The following PTN variants were observed in gnomAD, a reference collection of about 807,000 sequenced individuals.
PTN encodes heparin affin regulatory protein.
Under a neutral mutation model 24.1 loss-of-function variants are expected in PTN, and 18 were observed. The observed-to-expected ratio is 0.75, with a 90% CI of 0.52 to 1.11. The LOEUF (loss-of-function observed/expected upper bound fraction) is 1.11, where lower values mean the gene tolerates loss of function less well. PTN is among the 50% of genes least tolerant of loss of function. PTN has a pLI of 0.00. For missense variants in PTN, 163 were observed against 198.8 expected, an observed-to-expected ratio of 0.82 and a Z score of 1.08; for synonymous variants, 78 against 68.6, an observed-to-expected ratio of 1.14 and a Z score of -0.67.
intron 1 of PTN, among the ~76,000 whole-genome samples, chr7:137,301,008 G>A (rs1809796987): frequency 6.8e-6 from 1 of 148,042 alleles, no homozygotes; most frequent in African/African-American, 2.4e-5. Context: ...TCTCCAAACA[G>A]CCTCTTAAAG....
At chr7:137,235,821 G>A (rs1808510357) in intron 4 of PTN, among the ~76,000 whole-genome samples, 1 of 151,884 alleles carries the variant, frequency 6.6e-6, no homozygotes, top group African/African-American at 2.4e-5. Flanking sequence ...TTCTACTCCT[G>A]CTCAACTATC....
chr7:137,310,484 G>A lies in PTN; in HGVS notation c.-2+32955C>T, dbSNP rs966510556. Among the ~76,000 whole-genome samples, 6 of 148,060 alleles carry A rather than the reference G, an allele frequency of 4.1e-5. No homozygotes were observed. The South Asian group carries it at 6.5e-4, about 16-fold the overall frequency. On this transcript the variant is annotated intron_variant, in intron 1 of 4. Coordinates refer to ENST00000348225, the MANE Select transcript of PTN (RefSeq NM_002825.7). ...GTGATCTTGGCTCACTGCAACCTCC[G>A]ACTCCCTGGCTTAAGTGATTCTCCT...
At chr7:137,251,154 T>C in intron 4 of PTN, 76 bp downstream of exon 4, 2 of 1,512,564 alleles carry the variant, frequency 1.3e-6, no homozygotes, top group Non-Finnish European at 9.1e-7. Context: ...TATTTCCTTC[T>C]GGAAAATGTG....
chr7:137,283,143 T>C (rs1212195095), intron 1 of PTN, among the ~76,000 whole-genome samples: 2 of 152,102 alleles, frequency 1.3e-5, no homozygotes, highest in African/African-American at 4.8e-5. Flanking sequence ...TCCACATGGG[T>C]ACTAAGGCAC....
intron 1 of PTN, among the ~76,000 whole-genome samples, chr7:137,315,446 A>T (rs924575003): frequency 6.6e-6 from 1 of 152,176 alleles, no homozygotes; most frequent in Non-Finnish European, 1.5e-5. Flanking sequence ...CATCTGTTGT[A>T]ACCTCTGGGC....
chr7:137,236,166 C>T (rs1301229389), intron 4 of PTN: 7 of 701,974 alleles, frequency 1.0e-5, no homozygotes, highest in Non-Finnish European at 1.8e-5. Context: ...TAGACGAATC[C>T]ATCTCCCTTC....
chr7:137,250,879 G>A (rs943694535), intron 4 of PTN, among the ~76,000 whole-genome samples: 12 of 152,148 alleles, frequency 7.9e-5, no homozygotes, highest in Non-Finnish European at 1.2e-4. Context: ...AATTGTCTCC[G>A]TCATAAACAT....
chr7:137,343,306 C>A, intron 1 of PTN, 133 bp downstream of exon 1: 1 of 365,540 alleles, frequency 2.7e-6, no homozygotes, highest in Non-Finnish European at 5.4e-6. Context: ...GAAAGCAGTC[C>A]TATCAGCAAA....
At chr7:137,228,132 A>G in intron 4 of PTN, 57 bp from the exon 5 acceptor site, 2 of 1,126,458 alleles carry the variant, frequency 1.8e-6, no homozygotes, top group Admixed American at 3.7e-5. Flanking sequence ...TCAAGTTACT[A>G]AATTGCAGGG....
At chr7:137,293,313 G>C (rs1809669957) in intron 1 of PTN, among the ~76,000 whole-genome samples, 2 of 152,134 alleles carry the variant, frequency 1.3e-5, no homozygotes. Context: ...ATGAGACACA[G>C]GTGATTGAAG....
chr7:137,294,768 G>A (rs572947853), intron 1 of PTN, among the ~76,000 whole-genome samples: 2 of 152,240 alleles, frequency 1.3e-5, no homozygotes, highest in African/African-American at 4.8e-5. Flanking sequence ...AAAGATGTAC[G>A]CCATTTCCAT....
intron 1 of PTN, among the ~76,000 whole-genome samples, chr7:137,267,403 G>GA (rs1207207370): frequency 2.0e-5 from 3 of 151,882 alleles, no homozygotes; most frequent in Non-Finnish European, 4.4e-5. Flanking sequence ...CTGTTGGGGG[G>GA]AAGGGGGTCT....
intron 4 of PTN, among the ~76,000 whole-genome samples, chr7:137,245,566 A>G: frequency 6.6e-6 from 1 of 152,234 alleles, no homozygotes; most frequent in Non-Finnish European, 1.5e-5. Context: ...TTTACTATAC[A>G]ATACTTTTAA....
chr7:137,270,622 C>T (rs1272701303), intron 1 of PTN, among the ~76,000 whole-genome samples: 3 of 152,146 alleles, frequency 2.0e-5, no homozygotes, highest in Admixed American at 6.5e-5. Flanking sequence ...GTAAGAGTTG[C>T]AGCCTTTGTG....
chr7:137,324,433 A>AAAAAAAAAAAAAAAT lies in PTN; in HGVS notation c.-2+19005_-2+19006insATTTTTTTTTTTTTT. On this transcript the variant is annotated intron_variant, in intron 1 of 4. Coordinates refer to ENST00000348225, the MANE Select transcript of PTN (RefSeq NM_002825.7). ...CCCTGTCTCTAAAAAAAAAAAAAAA[A>AAAAAAAAAAAAAAAT]ATATATATATATATATATAAATTAA... Among the ~76,000 whole-genome samples the AAAAAAAAAAAAAAAT allele has an allele frequency of 2.3e-3, 202 of 88,716 alleles. 4 individuals are homozygous for AAAAAAAAAAAAAAAT. The highest frequency in any genetic ancestry group is 0.013 in the African/African-American group (193 of 14,440). 58.2% of individuals were successfully genotyped at this position (88,716 alleles called of 152,430 possible). A position where few individuals can be genotyped will look rare whatever the true frequency, so the allele number is the denominator to read the frequency against.
At chr7:137,302,677 T>C (rs1185767969) in intron 1 of PTN, among the ~76,000 whole-genome samples, 1 of 151,992 alleles carries the variant, frequency 6.6e-6, no homozygotes, top group Admixed American at 6.6e-5. Flanking sequence ...TAGTGAAATT[T>C]TGTTAAGAAC....
chr7:137,335,403 G>T (rs2128883414), intron 1 of PTN, among the ~76,000 whole-genome samples: 1 of 152,156 alleles, frequency 6.6e-6, no homozygotes, highest in Admixed American at 6.6e-5. Context: ...GGTGGTGTCT[G>T]CAATTTTCTT....
chr7:137,239,480 G>A (rs1409722136), intron 4 of PTN, among the ~76,000 whole-genome samples: 9 of 151,190 alleles, frequency 6.0e-5, no homozygotes, highest in African/African-American at 1.2e-4. Context: ...TACATGTGAC[G>A]TGCTGGTGCG....
At chr7:137,234,419 A>G (rs560309400) in intron 4 of PTN, among the ~76,000 whole-genome samples, 4 of 152,184 alleles carry the variant, frequency 2.6e-5, no homozygotes, top group Admixed American at 2.6e-4. Context: ...ATTTTTTGAA[A>G]GGAAGTAGTA....
Sources: gnomAD v4.1 joint callset for allele counts (sites outside exome capture counted in the v4.1 genomes callset) on GRCh38, gnomAD v4.1.1 for gene constraint, MANE v1.5 for transcripts, NCBI Gene and HGNC (gene_info 2026-07-23, HGNC 2026-07-21) for gene names.